Variants in FNIP1 observed in about 807,000 individuals in gnomAD.
FNIP1 encodes the protein folliculin-interacting protein 1.
A neutral mutation model predicts 124.5 loss-of-function variants in FNIP1; 40 were observed. The observed-to-expected ratio is 0.32, with a 90% confidence interval of 0.25 to 0.42. The LOEUF (loss-of-function observed/expected upper bound fraction) is 0.42, where lower values mean the gene tolerates loss of function less well. Ranked by LOEUF, FNIP1 falls within the 10% of genes least tolerant of loss-of-function variation. FNIP1 has a pLI of 1.00. For missense variants in FNIP1, 1,176 were observed against 1,403.7 expected, an observed-to-expected ratio of 0.84 and a Z score of 2.59; for synonymous variants, 472 against 470.6, an observed-to-expected ratio of 1.00 and a Z score of -0.04.
At chr5:131,785,007 ACT>A in intron 1 of FNIP1, among the ~76,000 whole-genome samples, 1 of 45,654 alleles carries the variant, frequency 2.2e-5, no homozygotes, top group African/African-American at 8.9e-5. Flanking sequence ...GATATATATG[ACT>A]ATATATATGA....
At chr5:131,793,208 T>G (rs566161753) in intron 1 of FNIP1, among the ~76,000 whole-genome samples, 4 of 152,114 alleles carry the variant, frequency 2.6e-5, no homozygotes, top group Non-Finnish European at 5.9e-5. Context: ...ATTTTTTATA[T>G]TTTTTGTAGA....
intron 6 of FNIP1, among the ~76,000 whole-genome samples, chr5:131,713,069 T>G (rs563600864): frequency 1.3e-5 from 2 of 152,208 alleles, no homozygotes; most frequent in Non-Finnish European, 2.9e-5. Flanking sequence ...TACCCCTTTT[T>G]TTTTTGAGAC....
At chr5:131,683,286 T>C (rs751870760) in intron 11 of FNIP1, among the ~76,000 whole-genome samples, 60 of 152,108 alleles carry the variant, frequency 3.9e-4, no homozygotes, top group Middle Eastern at 3.4e-3. Flanking sequence ...TCCTCCTGTA[T>C]ACTTAAAACC....
chr5:131,776,772 A>T (rs896883834), intron 1 of FNIP1, among the ~76,000 whole-genome samples: 1 of 152,204 alleles, frequency 6.6e-6, no homozygotes, highest in African/African-American at 2.4e-5. Flanking sequence ...GATGAGGGAG[A>T]GTAACTAGAA....
At chr5:131,709,968 C>T (rs1021404466) in intron 7 of FNIP1, among the ~76,000 whole-genome samples, 11 of 152,070 alleles carry the variant, frequency 7.2e-5, no homozygotes, top group African/African-American at 1.4e-4. Flanking sequence ...TTAGGTAATC[C>T]GCTAAAATGT....
chr5:131,728,326 G>C (rs1769959831), intron 3 of FNIP1, among the ~76,000 whole-genome samples: 1 of 152,110 alleles, frequency 6.6e-6, no homozygotes, highest in Middle Eastern at 3.2e-3. Context: ...ATCAAACACA[G>C]GTTTGGTATT....
chr5:131,692,503 A>T (rs567339018), intron 11 of FNIP1, among the ~76,000 whole-genome samples: 2 of 152,324 alleles, frequency 1.3e-5, no homozygotes, highest in South Asian at 4.1e-4. Context: ...GATTCAACAC[A>T]ATCCCAATGA....
In FNIP1 at chr5:131,731,054, T is replaced by C. The variant is rs1770071754; in HGVS notation, c.220-16A>G. 6.3e-7 allele frequency: 1 copy of C among 1,591,344 alleles called. No individual in the cohort carries two copies. Among genetic ancestry groups the C allele is most frequent in the Non-Finnish European group, 8.5e-7 (1 of 1,172,900 alleles). On this transcript the variant is annotated splice_polypyrimidine_tract_variant and intron_variant, in intron 2 of 17. Transcript: ENST00000510461. The stretch of plus-strand genomic sequence containing the variant: ...TGCCGAGTTTCTGAAATAACAGATA[T>C]TTCCACTCATGTTTTAACAGATTTT...
chr5:131,773,376 G>C (rs891303454), intron 1 of FNIP1, among the ~76,000 whole-genome samples: 1 of 152,114 alleles, frequency 6.6e-6, no homozygotes, highest in Non-Finnish European at 1.5e-5. Context: ...CTAGATCAGG[G>C]ATTCTTAACA....
intron 1 of FNIP1, among the ~76,000 whole-genome samples, chr5:131,753,100 CA>C (rs1213488089): frequency 2.0e-5 from 3 of 151,410 alleles, no homozygotes; most frequent in African/African-American, 4.8e-5. Context: ...TACAAACAAA[CA>C]AAAAAAATGG....
At chr5:131,785,926 A>T (rs1277894124) in intron 1 of FNIP1, among the ~76,000 whole-genome samples, 1 of 152,192 alleles carries the variant, frequency 6.6e-6, no homozygotes, top group East Asian at 1.9e-4. Flanking sequence ...TATATTCTAA[A>T]GTAACTAGAA....
intron 17 of FNIP1, 55 bp downstream of exon 17, chr5:131,647,035 C>T: frequency 6.7e-7 from 1 of 1,482,110 alleles, no homozygotes; most frequent in Non-Finnish European, 9.4e-7. Flanking sequence ...AGGAAAATTC[C>T]TTGCCTGATG....
intron 11 of FNIP1, among the ~76,000 whole-genome samples, chr5:131,682,534 C>CA (rs1272794323): frequency 6.6e-6 from 1 of 151,960 alleles, no homozygotes; most frequent in Non-Finnish European, 1.5e-5. Context: ...GCCTGGCCAA[C>CA]ATGGCAAAAT....
chr5:131,691,103 T>C (rs1018125420), intron 11 of FNIP1, among the ~76,000 whole-genome samples: 1 of 152,198 alleles, frequency 6.6e-6, no homozygotes, highest in East Asian at 1.9e-4. Context: ...GACCACATTC[T>C]AGGCCATAAG....
At chr5:131,758,498 C>T (rs1205388854) in intron 1 of FNIP1, among the ~76,000 whole-genome samples, 2 of 152,262 alleles carry the variant, frequency 1.3e-5, no homozygotes, top group South Asian at 2.1e-4. Context: ...GTTAAGTATA[C>T]CACCACCATT....
At chr5:131,779,069 C>T (rs1159169988) in intron 1 of FNIP1, among the ~76,000 whole-genome samples, 112 of 137,504 alleles carry the variant, frequency 8.1e-4, no homozygotes, top group African/African-American at 2.9e-3. Flanking sequence ...GTGGGTGCAG[C>T]GCACCAGCAT....
chr5:131,763,271 T>A lies in FNIP1; in HGVS notation c.93-18581A>T, dbSNP rs1033254716. ...TATGCCTGTATTAAAATATCTCACA[T>A]ACTTTGCAAATGCAAATACACACAC... is the stretch of plus-strand genomic sequence containing the variant. On this transcript the variant is annotated intron_variant, in intron 1 of 17. Transcript: ENST00000510461. 2.0e-5 allele frequency among the ~76,000 whole-genome samples: 3 copies of A among 149,674 alleles called. No individual in the cohort carries two copies. In the East Asian group the frequency reaches 5.9e-4, roughly 29 times the overall value.
intron 11 of FNIP1, among the ~76,000 whole-genome samples, chr5:131,690,896 C>T (rs1768457547): frequency 6.6e-6 from 1 of 152,150 alleles, no homozygotes; most frequent in South Asian, 2.1e-4. Context: ...AGAAATAAAT[C>T]CACTATTTTC....
At chr5:131,770,977 G>T (rs923318628) in intron 1 of FNIP1, among the ~76,000 whole-genome samples, 1 of 152,058 alleles carries the variant, frequency 6.6e-6, no homozygotes, top group Non-Finnish European at 1.5e-5. Flanking sequence ...TAGGGTACAT[G>T]TGCACATTGT....
Sources: gnomAD v4.1 joint callset for allele counts (sites outside exome capture counted in the v4.1 genomes callset) on GRCh38, gnomAD v4.1.1 for gene constraint, MANE v1.5 for transcripts, NCBI Gene and HGNC (gene_info 2026-07-23, HGNC 2026-07-21) for gene names.